Variants in RGL1 observed in about 807,000 individuals in gnomAD.
RGL1 encodes the protein ral guanine nucleotide dissociation stimulator-like 1.
RGL1 carries 24 observed loss-of-function variants against 95.2 expected under a neutral mutation model. The observed-to-expected ratio is 0.25, with a 90% CI of 0.18 to 0.35. RGL1 has a LOEUF of 0.35. Ranked by LOEUF, RGL1 falls within the 10% of genes least tolerant of loss-of-function variation. The probability of loss-of-function intolerance (pLI) is 1.00; values close to 1 mark genes in which losing one functional copy is unlikely to be tolerated. For missense variants in RGL1, 715 were observed against 936.3 expected (o/e 0.76, Z 3.08); for synonymous variants, 329 against 344.9 (o/e 0.95, Z 0.51).
At chr1:183,742,129 C>A (rs757159730) in exon 2 of RGL1, 4 of 1,612,960 alleles carry the variant, frequency 2.5e-6, no homozygotes, top group South Asian at 1.1e-5. Context: ...CACACAGATC[C>A]GTAATGCCTC....
At chr1:183,778,898 G>T (rs1470010652) in intron 2 of RGL1, among the ~76,000 whole-genome samples, 1 of 152,216 alleles carries the variant, frequency 6.6e-6, no homozygotes, top group East Asian at 1.9e-4. Context: ...AATGGGCCGT[G>T]ATAGGTGGAG....
chr1:183,853,509 A>G (rs139810781), intron 3 of RGL1, among the ~76,000 whole-genome samples: 1 of 152,272 alleles, frequency 6.6e-6, no homozygotes, highest in African/African-American at 2.4e-5. Context: ...GGGGTTTTTA[A>G]AGGTTGGAGC....
At chr1:183,925,210 G>A (rs765197941) in intron 17 of RGL1, among the ~76,000 whole-genome samples, 54 of 152,166 alleles carry the variant, frequency 3.5e-4, no homozygotes, top group Non-Finnish European at 7.1e-4. Context: ...CACTGTCTGT[G>A]AAGTGACAAG....
At position 183,718,233 on chromosome 1, in the gene RGL1, C is replaced by CA. The variant is rs34825782; in HGVS notation, c.-32-23877dup. ...TGGGCGACAGAGGGAGACTTGGTCTCAAAAAAAAAAAAAAAAGAGAGAGAG... is the reference window on the plus strand; with the variant it reads ...TGGGCGACAGAGGGAGACTTGGTCTCAAAAAAAAAAAAAAAAAGAGAGAGAG... On this transcript the variant is annotated intron_variant, in intron 1 of 18. Coordinates refer to the RGL1 transcript ENST00000304685. 3.4e-3 allele frequency among the ~76,000 whole-genome samples: 385 copies of CA among 114,754 alleles called. 3 individuals carry two copies. The highest frequency in any genetic ancestry group is 4.9e-3 in the African/African-American group (137 of 27,732). 75.3% of individuals were successfully genotyped at this position (114,754 alleles called of 152,430 possible). A position where few individuals can be genotyped will look rare whatever the true frequency, so the allele number is the denominator to read the frequency against.
chr1:183,674,061 C>A (rs527899976), intron 1 of RGL1, among the ~76,000 whole-genome samples: 1 of 152,268 alleles, frequency 6.6e-6, no homozygotes, highest in South Asian at 2.1e-4. Context: ...AAACTCAGGT[C>A]TGGTTTCAGT....
rs143680564 is a variant in RGL1, at chr1:183,806,432, C to A, written c.85C>A (p.Leu29Ile). ...VEEGAVYHVTLKRVQIQQAAN... is the reference protein window; with the variant it reads ...VEEGAVYHVTIKRVQIQQAAN... The stretch of plus-strand genomic sequence containing the variant: ...GGAAGGAGCTGTTTACCATGTCACC[C>A]TCAAAAGAGTCCAGATTCAACAGGC... The change falls in exon 2 of 18, where the codon CTC (leucine) becomes ATC (isoleucine). Residue 29 changes from leucine to isoleucine, a missense_variant. This residue lies in a region of RGL1 where 381 missense variants were observed against 484.8 expected (regional missense o/e 0.79). Coordinates refer to ENST00000360851, the MANE Select transcript of RGL1 (RefSeq NM_001297671.3). The A allele has an allele frequency of 6.2e-7, 1 of 1,613,920 alleles. No homozygotes were observed. The highest frequency in any genetic ancestry group is 1.7e-5 in the Admixed American group (1 of 59,990).
intron 1 of RGL1, among the ~76,000 whole-genome samples, chr1:183,692,871 C>A (rs1654031167): frequency 6.6e-6 from 1 of 152,058 alleles, no homozygotes; most frequent in South Asian, 2.1e-4. Context: ...CATTAAAATT[C>A]ATAGAATCAT....
chr1:183,814,175 A>T (rs1057213436), intron 2 of RGL1, among the ~76,000 whole-genome samples: 2 of 145,332 alleles, frequency 1.4e-5, no homozygotes, highest in African/African-American at 2.6e-5. Flanking sequence ...ACCACCTTGT[A>T]GGAAGCTCAG....
chr1:183,828,453 C>T (rs1473210614), intron 2 of RGL1, among the ~76,000 whole-genome samples: 3 of 152,080 alleles, frequency 2.0e-5, no homozygotes, highest in Admixed American at 6.6e-5. Context: ...GAGGGCAGCA[C>T]GTGGGGATGT....
At position 183,687,460 on chromosome 1, in the gene RGL1, A is replaced by G. The variant is rs144151319; in HGVS notation, c.-33+50959A>G. ...GAAAGAACTGAAAAACTTTTATTTA[A>G]TAATGTGTTCTTGAGATTGATATTA... On this transcript the variant is annotated intron_variant, in intron 1 of 18. Transcript: ENST00000304685. 6.4e-3 allele frequency among the ~76,000 whole-genome samples: 976 copies of G among 152,342 alleles called. 13 individuals are homozygous for G. The highest frequency in any genetic ancestry group is 0.023 in the African/African-American group (949 of 41,568).
intron 10 of RGL1, 134 bp from the exon 11 acceptor site, chr1:183,900,016 G>A: frequency 1.7e-6 from 1 of 577,646 alleles, no homozygotes; most frequent in East Asian, 2.9e-5. Flanking sequence ...TTTAAAAAAT[G>A]TTATTCATGG....
Position 183,874,215 on chromosome 1 carries a change from G to A in RGL1, c.426-6401G>A, listed in dbSNP as rs114772423. Among the ~76,000 whole-genome samples, 1,280 of 152,310 alleles carry A rather than the reference G, an allele frequency of 8.4e-3. 15 individuals are homozygous for A. The highest frequency in any genetic ancestry group is 0.027 in the Middle Eastern group (8 of 294). On this transcript the variant is annotated intron_variant, in intron 4 of 17. Transcript: ENST00000360851. Reference sequence around the variant, plus strand: ...ATTTTACAGAGGAGGAACCTGGGGCGTAGGTTAAGGAACATGTCCAAGGCT... The same window carrying A: ...ATTTTACAGAGGAGGAACCTGGGGCATAGGTTAAGGAACATGTCCAAGGCT...
At chr1:183,801,750 C>A (rs1661003667), upstream of RGL1, among the ~76,000 whole-genome samples, 1 of 152,162 alleles carries the variant, frequency 6.6e-6, no homozygotes, top group Non-Finnish European at 1.5e-5. Flanking sequence ...CCTCAAGCCA[C>A]TTTAGTTCAT....
intron 8 of RGL1, among the ~76,000 whole-genome samples, chr1:183,889,403 CTATACCACATGTGG>C (rs1667290670): frequency 6.6e-6 from 1 of 152,166 alleles, no homozygotes; most frequent in South Asian, 2.1e-4. Flanking sequence ...TCTGTATGGT[CTATACCACATGTGG>C]TATAGTCAGT....
At chr1:183,908,795 C>A (rs1364600337) in intron 14 of RGL1, among the ~76,000 whole-genome samples, 1 of 152,148 alleles carries the variant, frequency 6.6e-6, no homozygotes, top group African/African-American at 2.4e-5. Context: ...AGGAAAAAAA[C>A]AAAAATTCTC....
chr1:183,885,040 A>G (rs1009443488), intron 7 of RGL1, 102 bp downstream of exon 7: 12 of 1,015,572 alleles, frequency 1.2e-5, no homozygotes, highest in African/African-American at 1.1e-4. Context: ...AAGGCAGTCA[A>G]AAGACCATAT....
At chr1:183,920,211 A>G (rs149698305) in intron 16 of RGL1, among the ~76,000 whole-genome samples, 1 of 152,036 alleles carries the variant, frequency 6.6e-6, no homozygotes, top group Non-Finnish European at 1.5e-5. Flanking sequence ...ACTTTTTTGT[A>G]TTTTTATTAG....
At chr1:183,658,741 C>T (rs1164140177) in intron 1 of RGL1, among the ~76,000 whole-genome samples, 4 of 152,122 alleles carry the variant, frequency 2.6e-5, no homozygotes, top group Admixed American at 1.3e-4. Context: ...GATCTGAGAA[C>T]GGGCAGACTG....
At chr1:183,778,805 A>G (rs960556876) in intron 2 of RGL1, among the ~76,000 whole-genome samples, 2 of 152,226 alleles carry the variant, frequency 1.3e-5, no homozygotes, top group South Asian at 2.1e-4. Context: ...ATATTTTCCC[A>G]GATCATTACA....
Sources: gnomAD v4.1 joint callset for allele counts (sites outside exome capture counted in the v4.1 genomes callset) on GRCh38, gnomAD v4.1.1 for gene constraint, gnomAD v4.1.1 regional missense constraint, MANE v1.5 for transcripts, NCBI Gene and HGNC (gene_info 2026-07-23, HGNC 2026-07-21) for gene names.